Variants in PARM1 observed in about 807,000 individuals in gnomAD.
The protein encoded by PARM1 is prostate androgen-regulated mucin-like protein 1.
A neutral mutation model predicts 24.6 loss-of-function variants in PARM1; 14 were observed. That is an observed-to-expected ratio of 0.57 (90% confidence interval 0.38 to 0.89). The LOEUF (loss-of-function observed/expected upper bound fraction) is 0.89. Among genes scored for constraint, PARM1 ranks in the 40% least tolerant of loss-of-function variants. PARM1 has a pLI of 0.00. For synonymous variants in PARM1, 179 were observed against 156.6 expected (o/e 1.14, Z -1.07); for missense variants, 362 against 380.4 (o/e 0.95, Z 0.40).
Position 75,033,722 on chromosome 4 carries a change from T to G in PARM1, c.770-161T>G, listed in dbSNP as rs74878812. 6.1e-3 allele frequency among the ~76,000 whole-genome samples: 932 copies of G among 152,332 alleles called. 31 individuals carry two copies. The East Asian group carries it at 0.08, about 13-fold the overall frequency. ...GGTAACAGAATTAAAATCCTGGGTTTTATTCTAGCTGTGAATGTCATGCAG... is the reference window on the plus strand; with the variant it reads ...GGTAACAGAATTAAAATCCTGGGTTGTATTCTAGCTGTGAATGTCATGCAG... On this transcript the variant is annotated intron_variant, in intron 2 of 3. Transcript: ENST00000307428.
intron 1 of PARM1, among the ~76,000 whole-genome samples, chr4:75,008,953 A>G (rs1416776768): frequency 1.3e-5 from 2 of 151,846 alleles, no homozygotes; most frequent in Non-Finnish European, 2.9e-5. Flanking sequence ...GGAATCTTCA[A>G]TCAGCCATGA....
intron 3 of PARM1, among the ~76,000 whole-genome samples, chr4:75,040,259 G>C (rs979590632): frequency 6.6e-6 from 1 of 152,172 alleles, no homozygotes; most frequent in African/African-American, 2.4e-5. Flanking sequence ...CACTGAGCTA[G>C]TTTACAAATA....
At position 75,048,958 on chromosome 4, in the gene PARM1, C is replaced by A. The variant is rs1352982683; in HGVS notation, c.*2711C>A. 1 of 152,612 alleles carries A rather than the reference C, an allele frequency of 6.6e-6. No homozygotes were observed. The highest frequency in any genetic ancestry group is 1.5e-5 in the Non-Finnish European group (1 of 68,034). The allele number at this position is 152,612 out of a possible 1,614,324, so 9.5% of individuals were successfully genotyped here. ...ATGTTACTTATAACACACACACACA[C>A]ATCTGAAATATATGCCGAAAATTGA... On this transcript the variant is annotated 3_prime_UTR_variant, in exon 4 of 4. Transcript: ENST00000307428.
chr4:74,971,097 G>T (rs1241722010), intron 1 of PARM1, among the ~76,000 whole-genome samples: 1 of 152,188 alleles, frequency 6.6e-6, no homozygotes, highest in Non-Finnish European at 1.5e-5. Context: ...GTATTAGTCT[G>T]TTCTCACAGG....
At chr4:75,031,044 C>T (rs1055525630) in intron 2 of PARM1, among the ~76,000 whole-genome samples, 8 of 152,176 alleles carry the variant, frequency 5.3e-5, no homozygotes, top group Non-Finnish European at 1.2e-4. Context: ...TGTTCTCAAA[C>T]TGTGATGCCC....
At chr4:74,980,991 C>A (rs1404432871) in intron 1 of PARM1, among the ~76,000 whole-genome samples, 1 of 152,092 alleles carries the variant, frequency 6.6e-6, no homozygotes, top group Non-Finnish European at 1.5e-5. Flanking sequence ...AAATGTAAAA[C>A]CCCAAACTAT....
intron 2 of PARM1, among the ~76,000 whole-genome samples, chr4:75,016,267 C>T (rs1336436093): frequency 2.6e-5 from 4 of 152,074 alleles, no homozygotes; most frequent in East Asian, 1.9e-4. Flanking sequence ...ACCAAGAGCA[C>T]GATCATTAAG....
intron 3 of PARM1, among the ~76,000 whole-genome samples, chr4:75,040,603 T>C (rs1027796066): frequency 2.0e-5 from 3 of 152,174 alleles, no homozygotes; most frequent in African/African-American, 7.2e-5. Flanking sequence ...ATGATTTCAG[T>C]TTTCTTAGCC....
intron 2 of PARM1, among the ~76,000 whole-genome samples, chr4:75,024,152 G>C (rs1017014277): frequency 6.6e-6 from 1 of 152,096 alleles, no homozygotes; most frequent in Admixed American, 6.5e-5. Flanking sequence ...GGCGCCTGTA[G>C]TCCCAGCTAC....
intron 1 of PARM1, among the ~76,000 whole-genome samples, chr4:74,978,971 GA>G (rs1722192085): frequency 6.6e-6 from 1 of 152,052 alleles, no homozygotes; most frequent in South Asian, 2.1e-4. Flanking sequence ...TGTTAGGAGG[GA>G]AATTTATAGC....
At chr4:74,986,619 G>A (rs994163347) in intron 1 of PARM1, among the ~76,000 whole-genome samples, 1 of 152,292 alleles carries the variant, frequency 6.6e-6, no homozygotes, top group Admixed American at 6.5e-5. Flanking sequence ...TACACATGAA[G>A]CTTAATGGCA....
At chr4:75,013,244 T>G in intron 2 of PARM1, 94 bp downstream of exon 2, 1 of 1,321,304 alleles carries the variant, frequency 7.6e-7, no homozygotes, top group African/African-American at 1.5e-5. Context: ...ATTTGAATTT[T>G]GGAGTGTAAC....
At chr4:74,992,284 A>C (rs1375362495) in intron 1 of PARM1, among the ~76,000 whole-genome samples, 1 of 152,188 alleles carries the variant, frequency 6.6e-6, no homozygotes, top group African/African-American at 2.4e-5. Flanking sequence ...TTTGAAGGCA[A>C]AGTAATAGAA....
chr4:75,020,372 C>G (rs192138579), intron 2 of PARM1, among the ~76,000 whole-genome samples: 32 of 152,324 alleles, frequency 2.1e-4, no homozygotes, highest in Non-Finnish European at 4.4e-4. Flanking sequence ...TAACTCCCCT[C>G]TGTCACTGAG....
intron 1 of PARM1, chr4:74,966,977 C>G (rs1437078828): frequency 6.6e-6 from 1 of 152,186 alleles, no homozygotes; most frequent in African/African-American, 2.4e-5. Context: ...TCCACCAAGC[C>G]GTTCTTTCTC....
chr4:74,966,387 G>C (rs1328255881), intron 1 of PARM1, among the ~76,000 whole-genome samples: 1 of 152,182 alleles, frequency 6.6e-6, no homozygotes, highest in Non-Finnish European at 1.5e-5. Context: ...AGAGTGAGGG[G>C]GTGAATGGAT....
At position 74,958,316 on chromosome 4, in the gene PARM1, T is replaced by C. The variant is rs1721689554; in HGVS notation, c.43+24946T>C. Among the ~76,000 whole-genome samples the C allele has an allele frequency of 2.0e-5, 3 of 152,208 alleles. No homozygotes were observed. In the South Asian group the frequency reaches 6.2e-4, roughly 31 times the overall value. ...TAAGGCACAGCCTTCATCTTTAATG[T>C]ACTAACAGTCTGGTGGGGGGCCATA... On this transcript the variant is annotated intron_variant, in intron 1 of 3. Transcript: ENST00000307428.
At chr4:74,999,190 C>T (rs1244652458) in intron 1 of PARM1, 2 of 152,230 alleles carry the variant, frequency 1.3e-5, no homozygotes, top group Non-Finnish European at 2.9e-5. Flanking sequence ...GACAATGATC[C>T]TCAGATTCTA....
intron 3 of PARM1, chr4:75,034,815 T>C (rs1019808894): frequency 6.6e-6 from 1 of 152,392 alleles, no homozygotes; most frequent in African/African-American, 2.4e-5. Flanking sequence ...GCCAGAACCA[T>C]TTCTATGCAA....
Sources: gnomAD v4.1 joint callset for allele counts (sites outside exome capture counted in the v4.1 genomes callset) on GRCh38, gnomAD v4.1.1 for gene constraint, MANE v1.5 for transcripts, NCBI Gene and HGNC (gene_info 2026-07-23, HGNC 2026-07-21) for gene names.